RUNX1T1: variants seen among roughly 807,000 people sequenced by gnomAD.
RUNX1T1 encodes RUNX1 partner transcriptional co-repressor 1.
Under a neutral mutation model 62.8 loss-of-function variants are expected in RUNX1T1, and 4 were observed. The observed-to-expected ratio is 0.06, with a 90% CI of 0.03 to 0.15. RUNX1T1 has a LOEUF of 0.15. RUNX1T1 is among the 10% of genes least tolerant of loss of function. The pLI is 1.00. For missense variants in RUNX1T1, 508 were observed against 754.3 expected, an observed-to-expected ratio of 0.67 and a Z score of 3.82; for synonymous variants, 291 against 286.0, an observed-to-expected ratio of 1.02 and a Z score of -0.18.
At chr8:92,031,780 T>C (rs1464347479) in intron 1 of RUNX1T1, among the ~76,000 whole-genome samples, 1 of 152,066 alleles carries the variant, frequency 6.6e-6, no homozygotes, top group African/African-American at 2.4e-5. Flanking sequence ...CTAAAGTTTA[T>C]TTAAAGCATG....
chr8:92,044,033 T>G (rs1005869788), intron 1 of RUNX1T1, among the ~76,000 whole-genome samples: 1 of 151,698 alleles, frequency 6.6e-6, no homozygotes, highest in Non-Finnish European at 1.5e-5. Flanking sequence ...TTCTAAATTC[T>G]TTATCAGATA....
intron 1 of RUNX1T1, among the ~76,000 whole-genome samples, chr8:92,078,501 G>A (rs1026861228): frequency 6.6e-6 from 1 of 151,920 alleles, no homozygotes; most frequent in African/African-American, 2.4e-5. Flanking sequence ...AAGTTTAAAA[G>A]CTAAGCTCCA....
intron 5 of RUNX1T1, 196 bp downstream of exon 6, chr8:92,004,920 A>C (rs1820451151): frequency 2.0e-6 from 1 of 506,378 alleles, no homozygotes; most frequent in Non-Finnish European, 3.4e-6. Context: ...CACAAAAGCC[A>C]AACTGTCCCA....
intron 1 of RUNX1T1, among the ~76,000 whole-genome samples, chr8:92,031,500 C>A (rs1826222475): frequency 6.6e-6 from 1 of 152,140 alleles, no homozygotes; most frequent in African/African-American, 2.4e-5. Flanking sequence ...GAGACAGGGT[C>A]TTGCTCTATT....
At chr8:92,027,590 G>A (rs1422009022) in intron 1 of RUNX1T1, among the ~76,000 whole-genome samples, 2 of 152,160 alleles carry the variant, frequency 1.3e-5, no homozygotes, top group Admixed American at 1.3e-4. Flanking sequence ...CTCTGAAGAA[G>A]TGCCGGCACA....
At chr8:92,088,334 C>T (rs976234611) in intron 1 of RUNX1T1, among the ~76,000 whole-genome samples, 1 of 152,192 alleles carries the variant, frequency 6.6e-6, no homozygotes, top group Non-Finnish European at 1.5e-5. Flanking sequence ...TATTAGTCTT[C>T]CCTGACCTGT....
chr8:91,993,375 C>T (rs1818053383), intron 5 of RUNX1T1, among the ~76,000 whole-genome samples: 1 of 152,032 alleles, frequency 6.6e-6, no homozygotes, highest in Admixed American at 6.6e-5. Flanking sequence ...GACTTAGAGA[C>T]AGAAGGTATA....
At chr8:91,990,703 T>G (rs1052197253) in intron 6 of RUNX1T1, among the ~76,000 whole-genome samples, 4 of 151,582 alleles carry the variant, frequency 2.6e-5, no homozygotes. Flanking sequence ...AGGTGCAGTG[T>G]GTGGGGTGCA....
chr8:92,011,746 C>A (rs2131102114), intron 3 of RUNX1T1, among the ~76,000 whole-genome samples: 1 of 152,246 alleles, frequency 6.6e-6, no homozygotes, highest in African/African-American at 2.4e-5. Context: ...GAGGCAACTG[C>A]TTGACCCAAA....
At chr8:92,077,309 G>A (rs891319262) in intron 1 of RUNX1T1, among the ~76,000 whole-genome samples, 4 of 151,932 alleles carry the variant, frequency 2.6e-5, no homozygotes, top group Non-Finnish European at 5.9e-5. Flanking sequence ...CTGGATCTTG[G>A]AAACATTTAG....
intron 8 of RUNX1T1, chr8:91,977,136 C>T (rs1814145931): frequency 5.1e-6 from 1 of 196,144 alleles, no homozygotes; most frequent in African/African-American, 2.3e-5. Context: ...CATTTGAATG[C>T]TTTGAATTCT....
At chr8:92,095,009 G>A (rs139422348) in intron 1 of RUNX1T1, 16 of 1,523,654 alleles carry the variant, frequency 1.1e-5, no homozygotes, top group East Asian at 2.4e-5. Context: ...TTAAAGATAA[G>A]GCCCTCCGGT....
chr8:91,957,501 A>AT (rs3832564), downstream of RUNX1T1: 11 of 230,630 alleles, frequency 4.8e-5, no homozygotes, highest in African/African-American at 6.6e-5. Flanking sequence ...AGAGTTAGGG[A>AT]TTTTTTTTTG....
intron 1 of RUNX1T1, among the ~76,000 whole-genome samples, chr8:92,083,034 G>A (rs756229976): frequency 9.9e-5 from 15 of 152,094 alleles, no homozygotes; most frequent in African/African-American, 3.4e-4. Flanking sequence ...GAAATTGTTC[G>A]ATCTCATAAA....
intron 1 of RUNX1T1, among the ~76,000 whole-genome samples, chr8:92,029,868 G>T (rs1284281996): frequency 6.6e-6 from 1 of 152,032 alleles, no homozygotes; most frequent in African/African-American, 2.4e-5. Context: ...AATGTGCTAG[G>T]TACTGTTAAA....
At chr8:91,968,073 A>C (rs1024277435) in intron 10 of RUNX1T1, among the ~76,000 whole-genome samples, 1 of 152,202 alleles carries the variant, frequency 6.6e-6, no homozygotes, top group Non-Finnish European at 1.5e-5. Flanking sequence ...GCTGACAGGA[A>C]TAAAATGAAT....
intron 1 of RUNX1T1, among the ~76,000 whole-genome samples, chr8:92,060,553 A>ATATATATATATGTGTGTGTGTGTGTG: frequency 2.3e-3 from 145 of 63,764 alleles, no homozygotes; most frequent in Middle Eastern, 0.01. Context: ...ATATATATAT[A>ATATATATATATGTGTGTGTGTGTGTG]TGTGTGTGTG....
chr8:92,097,665 C>CT (rs372651663), intron 1 of RUNX1T1, among the ~76,000 whole-genome samples: 84 of 152,206 alleles, frequency 5.5e-4, no homozygotes, highest in African/African-American at 1.8e-3. Context: ...AAAAGGTTTG[C>CT]TTTTTTTAAA....
intron 1 of RUNX1T1, chr8:92,095,616 G>C (rs1248920067): frequency 2.4e-6 from 3 of 1,246,716 alleles, no homozygotes; most frequent in Non-Finnish European, 3.1e-6. Context: ...GGAAAAGTGG[G>C]AGAGAGAGAG....
Sources: allele counts gnomAD v4.1 joint callset (sites outside exome capture counted in the v4.1 genomes callset), GRCh38; gene constraint gnomAD v4.1.1; transcripts MANE v1.5; gene names NCBI Gene and HGNC (gene_info 2026-07-23, HGNC 2026-07-21).